The following SEC14L5 variants were observed in gnomAD, a reference collection of about 807,000 sequenced individuals.
The protein encoded by SEC14L5 is SEC14 like lipid binding 5, also known as SEC14-like protein 5.
In SEC14L5, 96 loss-of-function variants were observed where a neutral mutation model predicts 84.6. That is an observed-to-expected ratio of 1.13 (90% CI 0.96 to 1.34). The LOEUF (loss-of-function observed/expected upper bound fraction) is 1.34, where lower values mean the gene tolerates loss of function less well. Among genes scored for constraint, SEC14L5 ranks in the 40% most tolerant of loss-of-function variants. The pLI is 0.00. For missense variants in SEC14L5, 1,224 were observed against 942.5 expected (o/e 1.30, Z -3.91); for synonymous variants, 546 against 383.4 (o/e 1.42, Z -4.95).
At position 5,005,731 on chromosome 16, in the gene SEC14L5, G is replaced by T. The variant is rs536672321; in HGVS notation, c.1303-183G>T. On this transcript the variant is annotated intron_variant, in intron 11 of 15. Transcript: ENST00000251170. Reference sequence around the variant, plus strand: ...AAAAAAAAATTAGCCGGGCATGGTGGTGGGTGCCTGTAGTCCCAGCTACTC... The same window carrying T: ...AAAAAAAAATTAGCCGGGCATGGTGTTGGGTGCCTGTAGTCCCAGCTACTC... 2.0e-5 allele frequency among the ~76,000 whole-genome samples: 3 copies of T among 151,886 alleles called. No homozygotes were observed. In the East Asian group the frequency reaches 5.8e-4, roughly 30 times the overall value.
chr16:4,996,802 C>T lies in SEC14L5; in HGVS notation c.781-53C>T, dbSNP rs188469935. ...GCCCCGGCTGGTTCTGTAATTTTATCTGCTGGGTCAGGGGATACCGTTCTG... is the reference window on the plus strand; with the variant it reads ...GCCCCGGCTGGTTCTGTAATTTTATTTGCTGGGTCAGGGGATACCGTTCTG... On this transcript the variant is annotated intron_variant, in intron 7 of 15. Coordinates refer to ENST00000251170, the MANE Select transcript of SEC14L5 (RefSeq NM_014692.2). The T allele has an allele frequency of 4.8e-5, 67 of 1,405,438 alleles. No homozygotes were observed. In the East Asian group the frequency reaches 1.2e-3, roughly 26 times the overall value. The allele number at this position is 1,405,438 out of a possible 1,614,324, so 87.1% of individuals were successfully genotyped here.
intron 2 of SEC14L5, among the ~76,000 whole-genome samples, 181 bp from the exon 3 acceptor site, chr16:4,987,376 C>G (rs953774927): frequency 6.6e-6 from 1 of 152,130 alleles, no homozygotes; most frequent in African/African-American, 2.4e-5. Flanking sequence ...CTGTGTTGGG[C>G]TCTAACAGGT....
intron 7 of SEC14L5, 84 bp from the exon 8 acceptor site, chr16:4,996,771 C>A: frequency 1.9e-6 from 2 of 1,051,894 alleles, no homozygotes; most frequent in Non-Finnish European, 2.8e-6. Context: ...GGGGTCTCAC[C>A]ATGTTGCCCC....
At chr16:4,970,859 C>T (rs988872157) in intron 2 of SEC14L5, among the ~76,000 whole-genome samples, 1 of 152,122 alleles carries the variant, frequency 6.6e-6, no homozygotes, top group Non-Finnish European at 1.5e-5. Flanking sequence ...CCTGTAATCC[C>T]AGCACTTTGG....
chr16:5,018,918 T>C lies in SEC14L5; in HGVS notation c.*3948T>C, dbSNP rs149030509. 3 of 152,364 alleles carry C rather than the reference T, an allele frequency of 2.0e-5. No individual in the cohort carries two copies. Among genetic ancestry groups the C allele is most frequent in the Non-Finnish European group, 4.4e-5 (3 of 68,044 alleles). The allele number at this position is 152,364 out of a possible 1,614,324, so 9.4% of individuals were successfully genotyped here. ...AGCCAGTGAAACACGATGGGTTTTT[T>C]TGTTTGCCTGATCACTTGCTCCAAC... On this transcript the variant is annotated 3_prime_UTR_variant, in exon 16 of 16. Coordinates refer to ENST00000251170, the MANE Select transcript of SEC14L5 (RefSeq NM_014692.2).
intron 8 of SEC14L5, among the ~76,000 whole-genome samples, chr16:4,998,150 C>T (rs920484181): frequency 1.3e-5 from 2 of 151,774 alleles, no homozygotes; most frequent in East Asian, 2.0e-4. Flanking sequence ...GGACTACAGG[C>T]GTGCACCACC....
At chr16:5,014,461 G>A (rs967489432) in intron 15 of SEC14L5, among the ~76,000 whole-genome samples, 18 of 152,240 alleles carry the variant, frequency 1.2e-4, no homozygotes, top group Non-Finnish European at 2.4e-4. Flanking sequence ...GCTGGGGGAG[G>A]AGAGAATGGG....
At chr16:4,962,891 A>G (rs533708853) in intron 2 of SEC14L5, among the ~76,000 whole-genome samples, 19 of 152,306 alleles carry the variant, frequency 1.2e-4, no homozygotes, top group Admixed American at 2.0e-4. Context: ...AAATAGCTGC[A>G]TAACTCAACG....
Position 5,008,600 on chromosome 16 carries a change from C to A in SEC14L5, c.1752C>A (p.Tyr584Ter). The change falls in exon 14 of 16, where the codon TAC becomes TAA. Residue 584 changes from tyrosine (Y) to a stop codon, truncating the protein, a stop_gained. Transcript: ENST00000251170. LOFTEE classifies it high-confidence loss of function. ...AAGGCTGGGTCCTGGGCAGGGATTA[C>A]AGCCGTGTGGAGGCTCCCCTTGTCT... Reference protein sequence around the residue: ...IDKGWVLGRDYSRVEAPLVCR... With the variant: ...IDKGWVLGRD 1 of 1,604,966 alleles carries A rather than the reference C, an allele frequency of 6.2e-7. No homozygotes were observed. The highest frequency in any genetic ancestry group is 8.5e-7 in the Non-Finnish European group (1 of 1,177,714).
intron 2 of SEC14L5, among the ~76,000 whole-genome samples, chr16:4,965,345 A>G (rs1008248390): frequency 6.6e-6 from 1 of 152,176 alleles, no homozygotes; most frequent in Non-Finnish European, 1.5e-5. Flanking sequence ...AAGTTTTTGT[A>G]TGAACATATT....
rs1020501210 is a variant in SEC14L5, at chr16:5,018,243, G to A, written c.*3273G>A. The A allele has an allele frequency of 3.3e-5, 5 of 152,236 alleles. No homozygotes were observed. The highest frequency in any genetic ancestry group is 4.8e-5 in the African/African-American group (2 of 41,458). 9.4% of individuals were successfully genotyped at this position (152,236 alleles called of 1,614,324 possible). A position where few individuals can be genotyped will look rare whatever the true frequency, so the allele number is the denominator to read the frequency against. ...TCAGTGGTCATTCTGATTACTTAAT[G>A]CTTCGCATCCAAAGACTCGTTTTCT... On this transcript the variant is annotated 3_prime_UTR_variant, in exon 16 of 16. Coordinates refer to ENST00000251170, the MANE Select transcript of SEC14L5 (RefSeq NM_014692.2).
At chr16:5,004,288 G>C (rs113847888) in intron 11 of SEC14L5, among the ~76,000 whole-genome samples, 2 of 152,160 alleles carry the variant, frequency 1.3e-5, no homozygotes, top group Non-Finnish European at 2.9e-5. Flanking sequence ...GTTCAGGTGA[G>C]GCTAGGGGGC....
intron 2 of SEC14L5, among the ~76,000 whole-genome samples, chr16:4,967,208 G>C (rs917372627): frequency 6.6e-6 from 1 of 152,218 alleles, no homozygotes; most frequent in African/African-American, 2.4e-5. Context: ...GGAGGCTCTA[G>C]AAGGGGATCT....
At chr16:5,001,939 A>T (rs1955682460) in intron 10 of SEC14L5, among the ~76,000 whole-genome samples, 1 of 147,862 alleles carries the variant, frequency 6.8e-6, no homozygotes, top group African/African-American at 2.5e-5. Flanking sequence ...TGCCCAGCTA[A>T]TTTTTTTTTT....
At chr16:5,013,671 G>A (rs1955834228) in intron 15 of SEC14L5, among the ~76,000 whole-genome samples, 1 of 145,586 alleles carries the variant, frequency 6.9e-6, no homozygotes, top group Admixed American at 7.3e-5. Flanking sequence ...CAATCCTCAT[G>A]CCTCAGCCTC....
chr16:4,996,121 G>A (rs116540902), intron 6 of SEC14L5, among the ~76,000 whole-genome samples: 1,527 of 152,256 alleles, frequency 0.01, 29 homozygotes, highest in African/African-American at 0.035. Context: ...ATCTCACAGT[G>A]AGATCCAGGT....
chr16:4,981,255 G>GTTTTT lies in SEC14L5; in HGVS notation c.64-6278_64-6274dup, dbSNP rs58882220. Reference sequence around the variant, plus strand: ...ATGCACCAGCACGTCTAGCTAATTGGTTTTTTTTTTTTTTTTTTTTTTTTT... The same window carrying GTTTTT: ...ATGCACCAGCACGTCTAGCTAATTGGTTTTTTTTTTTTTTTTTTTTTTTTTTTTTT... On this transcript the variant is annotated intron_variant, in intron 2 of 15. Coordinates refer to ENST00000251170, the MANE Select transcript of SEC14L5 (RefSeq NM_014692.2). 6.5e-5 allele frequency among the ~76,000 whole-genome samples: 6 copies of GTTTTT among 92,934 alleles called. 1 individual carries two copies. The highest frequency in any genetic ancestry group is 4.4e-4 in the Admixed American group (3 of 6,758). 61.0% of individuals were successfully genotyped at this position (92,934 alleles called of 152,430 possible). A position where few individuals can be genotyped will look rare whatever the true frequency, so the allele number is the denominator to read the frequency against.
chr16:4,975,389 C>T (rs561481992), intron 2 of SEC14L5, among the ~76,000 whole-genome samples: 4 of 140,368 alleles, frequency 2.8e-5, no homozygotes, highest in African/African-American at 1.1e-4. Context: ...AGAAGAATGG[C>T]GTGAACCCGG....
At chr16:4,979,079 A>C (rs1313145465) in intron 2 of SEC14L5, among the ~76,000 whole-genome samples, 1 of 152,200 alleles carries the variant, frequency 6.6e-6, no homozygotes, top group Non-Finnish European at 1.5e-5. Flanking sequence ...TCAGGCAAAG[A>C]GGCTGGACCC....
Sources: gnomAD v4.1 joint callset for allele counts (sites outside exome capture counted in the v4.1 genomes callset) on GRCh38, gnomAD v4.1.1 for gene constraint, MANE v1.5 for transcripts, NCBI Gene and HGNC (gene_info 2026-07-23, HGNC 2026-07-21) for gene names.